The following FTCDNL1 variants were observed in gnomAD, a reference collection of about 807,000 sequenced individuals.
The protein encoded by FTCDNL1 is formiminotransferase cyclodeaminase N-terminal like.
A neutral mutation model predicts 5.9 loss-of-function variants in FTCDNL1; 11 were observed. That is an observed-to-expected ratio of 1.87 (90% CI 1.18 to 3.10). The LOEUF (loss-of-function observed/expected upper bound fraction) is 3.10. FTCDNL1 is among the 30% of genes most tolerant of loss of function. FTCDNL1 has a pLI of 0.00. For missense variants in FTCDNL1, 115 were observed against 65.5 expected, an observed-to-expected ratio of 1.76 and a Z score of -2.61; for synonymous variants, 58 against 24.8, an observed-to-expected ratio of 2.34 and a Z score of -3.99.
chr2:199,708,644 A>G, the FTCDNL1 span, among the ~76,000 whole-genome samples: 1 of 152,034 alleles, frequency 6.6e-6, no homozygotes, highest in Non-Finnish European at 1.5e-5. Context: ...TTTCACCTTC[A>G]CTATGAAGAC....
the FTCDNL1 span, among the ~76,000 whole-genome samples, chr2:199,728,740 T>C: frequency 1.3e-5 from 2 of 152,226 alleles, no homozygotes; most frequent in African/African-American, 2.4e-5. Flanking sequence ...TTTGATCACA[T>C]TGAGCATGTA....
At chr2:199,742,236 C>G in the FTCDNL1 span, among the ~76,000 whole-genome samples, 483 of 152,216 alleles carry the variant, frequency 3.2e-3, 1 homozygote, top group Admixed American at 3.5e-3. Context: ...CCCACTACCC[C>G]CAACACTTCC....
chr2:199,736,436 G>A, the FTCDNL1 span, among the ~76,000 whole-genome samples: 1 of 152,128 alleles, frequency 6.6e-6, no homozygotes, highest in Non-Finnish European at 1.5e-5. Flanking sequence ...TTGCTTGTTA[G>A]AACTCACAAT....
intron 3 of FTCDNL1, among the ~76,000 whole-genome samples, chr2:199,843,285 GA>G (rs988360837): frequency 6.6e-6 from 1 of 152,162 alleles, no homozygotes; most frequent in Non-Finnish European, 1.5e-5. Context: ...ATCTGGGGTG[GA>G]CCAGTCCTGA....
the FTCDNL1 span, among the ~76,000 whole-genome samples, chr2:199,689,812 A>AG: frequency 1.4e-5 from 2 of 146,352 alleles, no homozygotes; most frequent in Non-Finnish European, 3.0e-5. Context: ...ACTCCGTCTA[A>AG]AAAAAAAAAA....
intron 3 of FTCDNL1, among the ~76,000 whole-genome samples, chr2:199,832,606 T>C (rs1702443522): frequency 6.6e-6 from 1 of 152,202 alleles, no homozygotes; most frequent in African/African-American, 2.4e-5. Context: ...TTTTCTAACA[T>C]CTTGCTGTGC....
the FTCDNL1 span, among the ~76,000 whole-genome samples, chr2:199,673,800 C>A: frequency 1.7e-3 from 254 of 151,536 alleles, 2 homozygotes; most frequent in African/African-American, 5.8e-3. Flanking sequence ...GTGCCATAAA[C>A]CATATTGTTA....
At chr2:199,850,328 T>G (rs1382024161) in intron 1 of FTCDNL1, among the ~76,000 whole-genome samples, 1 of 152,256 alleles carries the variant, frequency 6.6e-6, no homozygotes, top group African/African-American at 2.4e-5. Context: ...GTTTTCAGTG[T>G]GTTTATGCAG....
At chr2:199,835,717 G>A (rs888708936) in intron 3 of FTCDNL1, among the ~76,000 whole-genome samples, 17 of 152,148 alleles carry the variant, frequency 1.1e-4, no homozygotes, top group African/African-American at 4.1e-4. Flanking sequence ...CAGTTATGGG[G>A]CCTGAGCTCA....
the FTCDNL1 span, among the ~76,000 whole-genome samples, chr2:199,682,662 A>G: frequency 1.3e-5 from 2 of 152,190 alleles, no homozygotes; most frequent in African/African-American, 2.4e-5. Flanking sequence ...AAATATCTTA[A>G]TCTCTTCAGA....
the FTCDNL1 span, among the ~76,000 whole-genome samples, chr2:199,693,932 G>A: frequency 1.3e-5 from 2 of 152,176 alleles, no homozygotes; most frequent in Non-Finnish European, 2.9e-5. Flanking sequence ...TTTAGGATGT[G>A]TAGAGAATTT....
chr2:199,672,312 C>CA, the FTCDNL1 span, among the ~76,000 whole-genome samples: 6 of 151,812 alleles, frequency 4.0e-5, no homozygotes, highest in East Asian at 3.9e-4. Flanking sequence ...GGGATATACA[C>CA]AAAAAAATGG....
intron 3 of FTCDNL1, among the ~76,000 whole-genome samples, chr2:199,779,918 G>C (rs1483970659): frequency 6.6e-6 from 1 of 152,182 alleles, no homozygotes; most frequent in East Asian, 1.9e-4. Context: ...TCTTCCAGGG[G>C]GCTCAGCAGA....
chr2:199,805,809 C>T (rs1028175802), downstream of FTCDNL1, among the ~76,000 whole-genome samples: 3 of 151,538 alleles, frequency 2.0e-5, no homozygotes, highest in Non-Finnish European at 4.4e-5. Context: ...GTCCCAGCTA[C>T]TTGGGTGGCT....
intron 3 of FTCDNL1, among the ~76,000 whole-genome samples, chr2:199,824,678 A>G (rs1701910245): frequency 6.6e-6 from 1 of 152,200 alleles, no homozygotes; most frequent in Non-Finnish European, 1.5e-5. Flanking sequence ...TAATTTCAAT[A>G]CTGTTGTGTC....
At chr2:199,775,612 C>CTCA (rs777544068) in intron 3 of FTCDNL1, among the ~76,000 whole-genome samples, 5 of 152,214 alleles carry the variant, frequency 3.3e-5, no homozygotes, top group Non-Finnish European at 7.3e-5. Context: ...GATATCCACG[C>CTCA]TCATGTGCCT....
At chr2:199,719,111 G>C in the FTCDNL1 span, among the ~76,000 whole-genome samples, 7 of 151,958 alleles carry the variant, frequency 4.6e-5, no homozygotes, top group Non-Finnish European at 1.0e-4. Flanking sequence ...GTCATAAATT[G>C]TCTAGATCAG....
At chr2:199,781,153 C>T (rs1424089460) in intron 3 of FTCDNL1, among the ~76,000 whole-genome samples, 1 of 152,230 alleles carries the variant, frequency 6.6e-6, no homozygotes, top group African/African-American at 2.4e-5. Flanking sequence ...CTTACTCAGA[C>T]CTCCTTGTCT....
At chr2:199,764,704 A>G (rs983758793) in intron 3 of FTCDNL1, among the ~76,000 whole-genome samples, 7 of 152,144 alleles carry the variant, frequency 4.6e-5, no homozygotes, top group Non-Finnish European at 7.4e-5. Flanking sequence ...CTGGCCTTTT[A>G]CCGGAGCAGA....
Sources: gnomAD v4.1 joint callset for allele counts (sites outside exome capture counted in the v4.1 genomes callset) on GRCh38, gnomAD v4.1.1 for gene constraint, MANE v1.5 for transcripts, NCBI Gene and HGNC (gene_info 2026-07-23, HGNC 2026-07-21) for gene names.